NKAIN4: variants seen among roughly 807,000 people sequenced by gnomAD.
NKAIN4 encodes the protein sodium/potassium-transporting ATPase subunit beta-1-interacting protein 4.
Under a neutral mutation model 28.8 loss-of-function variants are expected in NKAIN4, and 28 were observed. The observed-to-expected ratio is 0.97, with a 90% CI of 0.72 to 1.33. The LOEUF (loss-of-function observed/expected upper bound fraction) is 1.33, where lower values mean the gene tolerates loss of function less well. Among genes scored for constraint, NKAIN4 ranks in the 40% most tolerant of loss-of-function variants. The probability of loss-of-function intolerance (pLI) is 0.00; values close to 1 mark genes in which losing one functional copy is unlikely to be tolerated. For missense variants in NKAIN4, 289 were observed against 277.2 expected (o/e 1.04, Z -0.30); for synonymous variants, 122 against 115.6 (o/e 1.06, Z -0.36).
intron 3 of NKAIN4, 51 bp downstream of exon 3, chr20:63,248,764 C>T (rs749433186): frequency 2.1e-5 from 26 of 1,247,796 alleles, no homozygotes; most frequent in South Asian, 6.1e-5. Context: ...ACCAGGGGCC[C>T]GGCCCAGACC....
intron 4 of NKAIN4, among the ~76,000 whole-genome samples, chr20:63,244,304 C>G (rs552025762): frequency 6.6e-6 from 1 of 152,350 alleles, no homozygotes; most frequent in African/African-American, 2.4e-5. Flanking sequence ...CCCCACCCCA[C>G]TCAACTGGGT....
chr20:63,248,394 TC>T, intron 3 of NKAIN4: 1 of 181,552 alleles, frequency 5.5e-6, no homozygotes, highest in Non-Finnish European at 1.2e-5. Flanking sequence ...TCCCACCCCC[TC>T]CCCCCACGTT....
In NKAIN4 at chr20:63,247,896, CT is replaced by C. The variant is rs2066890786; in HGVS notation, c.274-122del. 26 of 1,315,958 alleles carry C rather than the reference CT, an allele frequency of 2.0e-5. No individual in the cohort carries two copies. In the South Asian group the frequency reaches 5.4e-4, roughly 27 times the overall value. 81.5% of individuals were successfully genotyped at this position (1,315,958 alleles called of 1,614,324 possible). On this transcript the variant is annotated intron_variant, in intron 3 of 6. Coordinates refer to ENST00000370316, the MANE Select transcript of NKAIN4 (RefSeq NM_152864.4). Reference sequence around the variant, plus strand: ...GGGAGGTCCTGTCCTCTCACCTCCCCTGTCCTCCCACTGCACCCCGCCCCCA... The same window carrying C: ...GGGAGGTCCTGTCCTCTCACCTCCCCGTCCTCCCACTGCACCCCGCCCCCA...
intron 5 of NKAIN4, among the ~76,000 whole-genome samples, 175 bp from the exon 6 acceptor site, chr20:63,242,798 G>C (rs1346168604): frequency 7.9e-6 from 1 of 126,884 alleles, no homozygotes; most frequent in Non-Finnish European, 1.6e-5. Context: ...GGGGGGGTGG[G>C]ACACCCGGGT....
At chr20:63,247,114 G>A (rs953544908) in intron 4 of NKAIN4, 9 of 1,046,390 alleles carry the variant, frequency 8.6e-6, no homozygotes, top group African/African-American at 3.4e-5. Flanking sequence ...CAGGGTTCCC[G>A]ACAAGGCTGA....
Position 63,245,989 on chromosome 20 carries a change from G to A in NKAIN4, c.471+1589C>T, listed in dbSNP as rs1166811180. Reference sequence around the variant, plus strand: ...GTCACCCAGGCTGGAGTGCAGTGGCGTGATCTCTGCTCACTGCAAGCTCTG... The same window carrying A: ...GTCACCCAGGCTGGAGTGCAGTGGCATGATCTCTGCTCACTGCAAGCTCTG... On this transcript the variant is annotated intron_variant, in intron 4 of 6. Transcript: ENST00000370316. This position sits in a 1 kb window ranked among gnomAD's most constrained non-coding sequence, Gnocchi z 4.7. Among the ~76,000 whole-genome samples, 3 of 150,924 alleles carry A rather than the reference G, an allele frequency of 2.0e-5. No individual in the cohort carries two copies. Among genetic ancestry groups the A allele is most frequent in the African/African-American group, 4.9e-5 (2 of 40,902 alleles).
Position 63,252,930 on chromosome 20 carries a change from A to AAACCCCAGCACCATC in NKAIN4, c.54+1452_54+1466dup, listed in dbSNP as rs538386003. On this transcript the variant is annotated intron_variant, in intron 1 of 6. Coordinates refer to ENST00000370316, the MANE Select transcript of NKAIN4 (RefSeq NM_152864.4). The surrounding 1 kb of genome is among the most constrained non-coding windows in gnomAD (Gnocchi z 4.6). ...ACTGAAGCACCCATTTCTCCTGCCC[A>AAACCCCAGCACCATC]AACCCCAGCACCATCAACCCCAGCA... Among the ~76,000 whole-genome samples the AAACCCCAGCACCATC allele has an allele frequency of 5.3e-5, 8 of 152,128 alleles. No individual in the cohort carries two copies. In the South Asian group the frequency reaches 1.7e-3, roughly 32 times the overall value.
Position 63,254,425 on chromosome 20 carries a change from G to T in NKAIN4, c.26C>A (p.Ala9Glu). MGSCSGRC[A>E]LVVLCAFQLV... The stretch of plus-strand genomic sequence containing the variant: ...CTGAAAAGCGCAGAGGACGACGAGC[G>T]CGCAGCGGCCGGAGCAGGAGCCCAT... Residue 9 changes from alanine to glutamate, a missense_variant, in exon 1 of 7, where the codon GCG becomes GAG. Coordinates refer to ENST00000370316, the MANE Select transcript of NKAIN4 (RefSeq NM_152864.4). The T allele has an allele frequency of 6.9e-7, 1 of 1,440,746 alleles. No homozygotes were observed. Among genetic ancestry groups the T allele is most frequent in the South Asian group, 1.4e-5 (1 of 73,294 alleles). The allele number at this position is 1,440,746 out of a possible 1,614,324, so 89.2% of individuals were successfully genotyped here.
Position 63,242,541 on chromosome 20 carries a change from G to C in NKAIN4, c.615C>G (p.Tyr205Ter). Residue 205 changes from tyrosine (Y) to a stop codon, truncating the protein, a stop_gained and splice_region_variant, in exon 6 of 7, where the codon TAC (tyrosine) becomes TAG (stop). Coordinates refer to ENST00000370316, the MANE Select transcript of NKAIN4 (RefSeq NM_152864.4). LOFTEE classifies it high-confidence loss of function. Reference protein sequence around the residue: ...KPSSLLSKQVYLPA With the variant: ...KPSSLLSKQV ...CAGGTTCTGCCAGCCATACTTACAA[G>C]TACACCTGCTTGGACAAGAGACTGG... The C allele has an allele frequency of 6.2e-7, 1 of 1,609,834 alleles. No homozygotes were observed. The highest frequency in any genetic ancestry group is 8.5e-7 in the Non-Finnish European group (1 of 1,176,380).
chr20:63,250,802 C>A (rs760290873), intron 1 of NKAIN4, among the ~76,000 whole-genome samples: 16 of 152,230 alleles, frequency 1.1e-4, no homozygotes, highest in Middle Eastern at 3.4e-3. Context: ...CAGGGACTGG[C>A]GCACTCGGCA....
intron 4 of NKAIN4, chr20:63,246,692 G>T (rs2066864064): frequency 1.0e-6 from 1 of 977,462 alleles, no homozygotes; most frequent in Non-Finnish European, 1.2e-6. Context: ...AGATCGGTCA[G>T]AAGTTCCTCC....
At chr20:63,253,622 C>A (rs967591655) in intron 1 of NKAIN4, 13 of 643,054 alleles carry the variant, frequency 2.0e-5, no homozygotes, top group Non-Finnish European at 2.5e-5. Context: ...CCTGGACAGG[C>A]GAGGCCTTTG....
Position 63,247,836 on chromosome 20 carries a change from T to C in NKAIN4, c.274-61A>G, listed in dbSNP as rs2066889528. 13 of 1,410,264 alleles carry C rather than the reference T, an allele frequency of 9.2e-6. No homozygotes were observed. In the East Asian group the frequency reaches 3.5e-4, roughly 38 times the overall value. 87.4% of individuals were successfully genotyped at this position (1,410,264 alleles called of 1,614,324 possible). A position where few individuals can be genotyped will look rare whatever the true frequency, so the allele number is the denominator to read the frequency against. ...CCAGGAGGTGGGCGGCCTCACCCAC[T>C]GCAGCCTGCGGGGACGCCACCACAC... On this transcript the variant is annotated intron_variant, in intron 3 of 6. Coordinates refer to ENST00000370316, the MANE Select transcript of NKAIN4 (RefSeq NM_152864.4).
intron 1 of NKAIN4, 42 bp downstream of exon 1, chr20:63,254,355 C>A (rs1470731554): frequency 7.1e-7 from 1 of 1,407,094 alleles, no homozygotes; most frequent in Non-Finnish European, 9.3e-7. Context: ...GTGGGTCGGG[C>A]ACCGGGGGCT....
intron 3 of NKAIN4, chr20:63,248,422 A>C: frequency 2.1e-5 from 4 of 190,274 alleles, no homozygotes; most frequent in East Asian, 1.3e-4. Context: ...GGTTCCCTGC[A>C]TTGCAGGAGG....
chr20:63,247,119 G>A (rs2066873185), intron 4 of NKAIN4: 7 of 1,055,558 alleles, frequency 6.6e-6, no homozygotes, highest in South Asian at 3.0e-5. Flanking sequence ...TTCCCGACAA[G>A]GCTGAGGGGC....
intron 1 of NKAIN4, among the ~76,000 whole-genome samples, chr20:63,251,543 C>T (rs1402567571): frequency 6.6e-6 from 1 of 152,240 alleles, no homozygotes; most frequent in South Asian, 2.1e-4. Flanking sequence ...CTGGTGTCAC[C>T]GCTAGACCAA....
chr20:63,244,679 T>C, intron 4 of NKAIN4: 1 of 391,284 alleles, frequency 2.6e-6, no homozygotes. Flanking sequence ...GGACTGGGAG[T>C]CCAGGGCAGA....
intron 4 of NKAIN4, chr20:63,246,577 C>T (rs1425592051): frequency 1.1e-5 from 11 of 985,352 alleles, no homozygotes; most frequent in Non-Finnish European, 1.3e-5. Context: ...ATTCAGCTCC[C>T]ACCGCCAGCC....
Sources: allele counts gnomAD v4.1 joint callset (sites outside exome capture counted in the v4.1 genomes callset), GRCh38; gene constraint gnomAD v4.1.1; non-coding constraint Gnocchi (gnomAD v3.1); transcripts MANE v1.5; gene names NCBI Gene and HGNC (gene_info 2026-07-23, HGNC 2026-07-21).